Variants in AP1G1 observed in about 807,000 individuals in gnomAD.
The protein encoded by AP1G1 is AP-1 complex subunit gamma-1.
A neutral mutation model predicts 108.3 loss-of-function variants in AP1G1; 7 were observed. That is an observed-to-expected ratio of 0.06 (90% confidence interval 0.04 to 0.12). AP1G1 has a LOEUF of 0.12. AP1G1 is among the 10% of genes least tolerant of loss of function. The pLI is 1.00. For missense variants in AP1G1, 756 were observed against 1,010.7 expected, an observed-to-expected ratio of 0.75 and a Z score of 3.42; for synonymous variants, 379 against 353.5, an observed-to-expected ratio of 1.07 and a Z score of -0.81.
chr16:71,792,779 G>A (rs1447577555), intron 1 of AP1G1, among the ~76,000 whole-genome samples: 6 of 151,730 alleles, frequency 4.0e-5, no homozygotes, highest in African/African-American at 4.8e-5. Flanking sequence ...GCTTTAACCC[G>A]GGAAGTGGAG....
chr16:71,771,264 A>T lies in AP1G1; in HGVS notation c.469-12T>A, dbSNP rs1209569895. On this transcript the variant is annotated splice_polypyrimidine_tract_variant and intron_variant, in intron 4 of 22. Coordinates refer to ENST00000299980, the MANE Select transcript of AP1G1 (RefSeq NM_001128.6). ...GCACACAGTGCTGCCTATGAAAAAA[A>T]AAATAAAAGAACAAAAGGTTTATTT... is the stretch of plus-strand genomic sequence containing the variant. 12 of 1,474,560 alleles carry T rather than the reference A, an allele frequency of 8.1e-6. No homozygotes were observed. The highest frequency in any genetic ancestry group is 2.4e-5 in the East Asian group (1 of 42,420). The allele number at this position is 1,474,560 out of a possible 1,614,324, so 91.3% of individuals were successfully genotyped here. A position where few individuals can be genotyped will look rare whatever the true frequency, so the allele number is the denominator to read the frequency against.
chr16:71,767,745 A>G, intron 6 of AP1G1: 1 of 876,848 alleles, frequency 1.1e-6, no homozygotes, highest in Non-Finnish European at 1.7e-6. Flanking sequence ...AAGATGGTAG[A>G]ACAATAACTC....
rs1439076202 is a variant in AP1G1, at chr16:71,750,209, C to T, written c.1407+1G>A. Reference sequence around the variant, plus strand: ...CTAAAATAGTTGAATGAAGTACTTACTTGAGAATAATCACCAAGAATTGCT... The same window carrying T: ...CTAAAATAGTTGAATGAAGTACTTATTTGAGAATAATCACCAAGAATTGCT... On this transcript the variant is annotated splice_donor_variant, in intron 14 of 22. Transcript: ENST00000299980. LOFTEE classifies it high-confidence loss of function. 6.2e-7 allele frequency: 1 copy of T among 1,613,464 alleles called. No individual in the cohort carries two copies. Among genetic ancestry groups the T allele is most frequent in the African/African-American group, 1.3e-5 (1 of 74,900 alleles).
chr16:71,760,166 G>A (rs1048004079), intron 10 of AP1G1, among the ~76,000 whole-genome samples: 5 of 151,710 alleles, frequency 3.3e-5, no homozygotes, highest in East Asian at 1.9e-4. Context: ...CACCACGCCC[G>A]GCAATCCAAG....
chr16:71,749,999 T>G lies in AP1G1; in HGVS notation c.1408-16A>C. The G allele has an allele frequency of 6.3e-7, 1 of 1,594,852 alleles. No homozygotes were observed. ...CCAAAGGTTGCTGTGAAAAGAAAAG[T>G]CAACGTTTCTCAAGAACTTCAATTT... On this transcript the variant is annotated splice_polypyrimidine_tract_variant and intron_variant, in intron 14 of 22. Transcript: ENST00000299980.
chr16:71,765,016 A>AT (rs2145471203), intron 7 of AP1G1, among the ~76,000 whole-genome samples: 1 of 152,332 alleles, frequency 6.6e-6, no homozygotes, highest in East Asian at 1.9e-4. Context: ...ATATTAAATA[A>AT]TTCAAATAAT....
intron 21 of AP1G1, among the ~76,000 whole-genome samples, chr16:71,737,828 G>C (rs1012330713): frequency 1.3e-5 from 2 of 152,254 alleles, no homozygotes; most frequent in African/African-American, 4.8e-5. Context: ...GCAAACTATG[G>C]CCCACTGGCC....
At chr16:71,780,708 G>C (rs1293555908) in intron 2 of AP1G1, among the ~76,000 whole-genome samples, 1 of 151,890 alleles carries the variant, frequency 6.6e-6, no homozygotes, top group Non-Finnish European at 1.5e-5. Flanking sequence ...ACAGTTCACT[G>C]TTAGTTCACA....
At chr16:71,798,944 C>T (rs1224708287) in intron 1 of AP1G1, among the ~76,000 whole-genome samples, 1 of 147,872 alleles carries the variant, frequency 6.8e-6, no homozygotes, top group Admixed American at 6.8e-5. Flanking sequence ...TGCCATATAA[C>T]AAAGAATTAA....
At position 71,734,640 on chromosome 16, in the gene AP1G1, G is replaced by A. The variant is rs1356430962; in HGVS notation, c.2336C>T (p.Thr779Ile). 1 of 1,613,892 alleles carries A rather than the reference G, an allele frequency of 6.2e-7. No homozygotes were observed. Among genetic ancestry groups the A allele is most frequent in the Admixed American group, 1.7e-5 (1 of 60,002 alleles). Residue 779 changes from threonine to isoleucine, a missense_variant, in exon 22 of 23, where the codon ACA (threonine) becomes ATA (isoleucine). Coordinates refer to ENST00000299980, the MANE Select transcript of AP1G1 (RefSeq NM_001128.6). Reference protein sequence around the residue: ...IVPAFNTGTITQVIKVLNPQK... With the variant: ...IVPAFNTGTIIQVIKVLNPQK... ...AGGGTTCAGAACTTTAATGACTTGT[G>A]TGATGGTCCCCGTGTTAAATGCTGG...
intron 8 of AP1G1, 70 bp from the exon 9 acceptor site, chr16:71,764,518 C>T: frequency 7.8e-7 from 1 of 1,289,950 alleles, no homozygotes; most frequent in Non-Finnish European, 1.1e-6. Flanking sequence ...TCACAGGTAA[C>T]AAGAGGCATT....
chr16:71,797,979 G>A (rs1449956823), intron 1 of AP1G1, among the ~76,000 whole-genome samples: 1 of 151,710 alleles, frequency 6.6e-6, no homozygotes, highest in Admixed American at 6.6e-5. Flanking sequence ...AGAAATGGAG[G>A]GTAAACAGTC....
chr16:71,760,568 A>G (rs891721265), intron 10 of AP1G1, among the ~76,000 whole-genome samples: 2 of 150,270 alleles, frequency 1.3e-5, no homozygotes, highest in Admixed American at 1.3e-4. Flanking sequence ...AAAAAGAAAC[A>G]GGGTCTCTCT....
chr16:71,795,931 T>A (rs144428103), intron 1 of AP1G1, among the ~76,000 whole-genome samples: 4 of 152,148 alleles, frequency 2.6e-5, no homozygotes. Context: ...ACTGTTTGAA[T>A]AGGAGAGATT....
Position 71,756,095 on chromosome 16 carries a change from A to T in AP1G1, c.1153T>A (p.Leu385Ile), listed in dbSNP as rs940559244. 1.2e-6 allele frequency: 2 copies of T among 1,613,670 alleles called. No individual in the cohort carries two copies. Among genetic ancestry groups the T allele is most frequent in the African/African-American group, 2.7e-5 (2 of 74,934 alleles). ...TCACACGAATCCAGAAAATAAAGTA[A>T]TTCTTTCATCATGCCTCGGATATTA... is the stretch of plus-strand genomic sequence containing the variant. ...GNNIRGMMKE[L>I]LYFLDSCEPE... is the part of the protein sequence containing the mutation. The change falls in exon 12 of 23, where the codon TTA becomes ATA. Residue 385 changes from leucine (L) to isoleucine (I), a missense_variant. By Grantham distance (5) the Leu-to-Ile change is conservative (BLOSUM62 2). This residue lies in a region of AP1G1 where 304 missense variants were observed against 483.6 expected (regional missense o/e 0.63). Transcript: ENST00000299980.
chr16:71,805,175 T>C (rs2032953960), intron 1 of AP1G1, among the ~76,000 whole-genome samples: 1 of 152,246 alleles, frequency 6.6e-6, no homozygotes, highest in African/African-American at 2.4e-5. Flanking sequence ...CTGAACGCAG[T>C]GGCTCCTCCT....
chr16:71,756,000 G>C lies in AP1G1; in HGVS notation c.1229+19C>G. The C allele has an allele frequency of 6.2e-7, 1 of 1,603,422 alleles. No individual in the cohort carries two copies. The highest frequency in any genetic ancestry group is 1.1e-5 in the South Asian group (1 of 89,152). On this transcript the variant is annotated intron_variant, in intron 12 of 22. Coordinates refer to ENST00000299980, the MANE Select transcript of AP1G1 (RefSeq NM_001128.6). ...GTTCCAAGCAGACTTTACCAATAAAGGTAAAAATTAAATCTTACTTTTCTG... is the reference window on the plus strand; with the variant it reads ...GTTCCAAGCAGACTTTACCAATAAACGTAAAAATTAAATCTTACTTTTCTG...
chr16:71,739,101 G>A lies in AP1G1; in HGVS notation c.2109C>T (p.Gly703=). ...SQPLFNDIAA[G]IPSITAYSKN... ...TACTGTATGCTGTGATGGAGGGGAT[G>A]CCTGAGAAAGTACAGGAAGATAAGT... The change falls in exon 21 of 23, where the codon GGC becomes GGT. Residue 703 remains glycine, a splice_region_variant and synonymous_variant. Transcript: ENST00000299980. The A allele has an allele frequency of 6.2e-7, 1 of 1,614,100 alleles. No individual in the cohort carries two copies.
rs959266812 is a variant in AP1G1, at chr16:71,730,539, G to C, written c.*2519C>G. ...GGAAAGGAATTATTGAAATGTGCAA[G>C]TATTCAAAGAAATTGAAACATTTCT... On this transcript the variant is annotated 3_prime_UTR_variant, in exon 23 of 23. Coordinates refer to ENST00000299980, the MANE Select transcript of AP1G1 (RefSeq NM_001128.6). 1 of 152,588 alleles carries C rather than the reference G, an allele frequency of 6.6e-6. No homozygotes were observed. The highest frequency in any genetic ancestry group is 2.1e-4 in the South Asian group (1 of 4,826). 9.5% of individuals were successfully genotyped at this position (152,588 alleles called of 1,614,324 possible). A position where few individuals can be genotyped will look rare whatever the true frequency, so the allele number is the denominator to read the frequency against.
Sources: gnomAD v4.1 joint callset for allele counts (sites outside exome capture counted in the v4.1 genomes callset) on GRCh38, gnomAD v4.1.1 for gene constraint, gnomAD v4.1.1 regional missense constraint, MANE v1.5 for transcripts, NCBI Gene and HGNC (gene_info 2026-07-23, HGNC 2026-07-21) for gene names.